Variants in UBA1 observed in about 807,000 individuals in gnomAD.
The protein encoded by UBA1 is ubiquitin like modifier activating enzyme 1.
In UBA1, 4 loss-of-function variants were observed where a neutral mutation model predicts 84.7. The observed-to-expected ratio is 0.05, with a 90% CI of 0.02 to 0.11. The LOEUF (loss-of-function observed/expected upper bound fraction) is 0.11, where lower values mean the gene tolerates loss of function less well. Among genes scored for constraint, UBA1 ranks in the 10% least tolerant of loss-of-function variants. The pLI is 1.00. For synonymous variants in UBA1, 364 were observed against 362.6 expected (o/e 1.00, Z -0.04); for missense variants, 513 against 902.8 (o/e 0.57, Z 5.53).
intron 16 of UBA1, among the ~76,000 whole-genome samples, chrX:47,207,877 C>T (rs1433376373): frequency 8.9e-6 from 1 of 112,014 alleles, no homozygotes; most frequent in Non-Finnish European, 1.9e-5. Flanking sequence ...AACCACTTGG[C>T]ATTTACTGTG....
intron 15 of UBA1, 46 bp downstream of exon 15, chrX:47,206,159 G>A: frequency 8.5e-7 from 1 of 1,181,332 alleles, no homozygotes; most frequent in Non-Finnish European, 1.1e-6. Flanking sequence ...AGTTGTGTGT[G>A]TTTCGGTGTG....
chrX:47,196,253 T>TA (rs1936204226), intron 1 of UBA1, among the ~76,000 whole-genome samples: 1 of 111,187 alleles, frequency 9.0e-6, no homozygotes, highest in Non-Finnish European at 1.9e-5. Context: ...TCCTTGCTCT[T>TA]AGACACCCAC....
chrX:47,190,940 C>T (rs1425310381), upstream of UBA1: 1 of 112,908 alleles, frequency 8.9e-6, no homozygotes, highest in Non-Finnish European at 1.9e-5. Context: ...GGCTTCCGCC[C>T]GGCACAGGGG....
intron 14 of UBA1, among the ~76,000 whole-genome samples, chrX:47,204,716 T>C (rs1556790048): frequency 9.0e-6 from 1 of 111,309 alleles, no homozygotes; most frequent in Admixed American, 9.5e-5. Flanking sequence ...TTTCCAAGGG[T>C]TGTAGTTTCA....
At position 47,208,458 on chromosome X, in the gene UBA1, C is replaced by T. The variant is rs782424892; in HGVS notation, c.1939-1165C>T. 7 of 112,266 alleles carry T rather than the reference C, an allele frequency of 6.2e-5. No homozygotes were observed. The East Asian group carries it at 2.0e-3, about 31-fold the overall frequency. 9.3% of individuals were successfully genotyped at this position (112,266 alleles called of 1,213,427 possible). A position where few individuals can be genotyped will look rare whatever the true frequency, so the allele number is the denominator to read the frequency against. ...GGATTACATGTGTAAGCCTCTGTGT[C>T]CGGCCTCTGTCTTGTTTTCTGCCAA... On this transcript the variant is annotated intron_variant, in intron 16 of 25. Transcript: ENST00000335972.
chrX:47,212,060 A>C (rs1936944173), intron 20 of UBA1, among the ~76,000 whole-genome samples: 2 of 75,253 alleles, frequency 2.7e-5, no homozygotes, highest in Admixed American at 2.0e-4. Flanking sequence ...TATCTTTTTT[A>C]CTCCCCTTTT....
intron 16 of UBA1, among the ~76,000 whole-genome samples, chrX:47,207,415 A>G (rs973928487): frequency 6.2e-5 from 7 of 112,340 alleles, no homozygotes; most frequent in Non-Finnish European, 1.3e-4. Context: ...ATCCGTGCAT[A>G]AATCTCATAA....
chrX:47,205,292 T>C (rs1302722550), intron 14 of UBA1: 3 of 276,997 alleles, frequency 1.1e-5, no homozygotes, highest in African/African-American at 8.3e-5. Context: ...CCTGCTTGTC[T>C]GTGTGCCAGC....
chrX:47,206,845 G>A, intron 16 of UBA1, among the ~76,000 whole-genome samples: 1 of 111,176 alleles, frequency 9.0e-6, no homozygotes, highest in Non-Finnish European at 1.9e-5. Flanking sequence ...GCCAAGTGAG[G>A]ATATGTTGCT....
chrX:47,202,913 A>G, intron 11 of UBA1, 30 bp from the exon 12 acceptor site: 1 of 1,204,103 alleles, frequency 8.3e-7, no homozygotes, highest in Non-Finnish European at 1.1e-6. Flanking sequence ...TTAACCACTG[A>G]CCACCCCCTC....
At chrX:47,213,626 G>A (rs1248149175) in intron 23 of UBA1, among the ~76,000 whole-genome samples, 1 of 112,455 alleles carries the variant, frequency 8.9e-6, no homozygotes, top group Non-Finnish European at 1.9e-5. Flanking sequence ...AGCACTTTGG[G>A]AGGCCGAGGC....
At chrX:47,197,488 T>C in intron 1 of UBA1, 1 of 754,348 alleles carries the variant, frequency 1.3e-6, no homozygotes, top group Non-Finnish European at 1.6e-6. Flanking sequence ...AAAGTCTCAG[T>C]GTGGGAGGAC....
At chrX:47,205,217 G>A (rs1006323822) in intron 14 of UBA1, 28 of 227,203 alleles carry the variant, frequency 1.2e-4, no homozygotes, top group Middle Eastern at 2.9e-3. Context: ...GGTAAGTGGA[G>A]GTGGGATCCA....
upstream of UBA1, among the ~76,000 whole-genome samples, chrX:47,193,642 G>T (rs1556784652): frequency 8.9e-6 from 1 of 112,831 alleles, no homozygotes; most frequent in East Asian, 2.8e-4. Context: ...CGTGGCCTCT[G>T]TTTTACCTGT....
intron 1 of UBA1, chrX:47,198,071 CCT>C: frequency 1.1e-6 from 1 of 898,144 alleles, no homozygotes; most frequent in African/African-American, 2.1e-5. Context: ...CTTTTTGCAA[CCT>C]CTTTTATTGG....
At chrX:47,195,872 C>T (rs781854386) in intron 1 of UBA1, among the ~76,000 whole-genome samples, 1 of 110,829 alleles carries the variant, frequency 9.0e-6, no homozygotes, top group East Asian at 2.9e-4. Context: ...TCAGATACAC[C>T]TCTCCTCTTG....
chrX:47,212,322 T>G, intron 20 of UBA1, 102 bp from the exon 21 acceptor site: 2 of 589,000 alleles, frequency 3.4e-6, no homozygotes, highest in South Asian at 4.9e-5. Context: ...TTCCAAATCC[T>G]TTTTGTACCT....
chrX:47,197,366 T>C (rs1356845704), intron 1 of UBA1: 3 of 754,048 alleles, frequency 4.0e-6, no homozygotes, highest in East Asian at 1.5e-4. Flanking sequence ...TCCTCTTTGA[T>C]TGACACACAG....
Position 47,214,371 on chromosome X carries a change from A to G in UBA1, c.2883A>G (p.Gln961=). 8.3e-7 allele frequency: 1 copy of G among 1,211,248 alleles called. No individual in the cohort carries two copies. The highest frequency in any genetic ancestry group is 1.1e-6 in the Non-Finnish European group (1 of 895,354). The change falls in exon 24 of 26, where the codon CAA becomes CAG. Residue 961 remains glutamine (Q), a synonymous_variant. Coordinates refer to ENST00000335972, the MANE Select transcript of UBA1 (RefSeq NM_003334.4). ...EWTLWDRFEV[Q]GLQPNGEEMT... ...CATTGTGGGATCGCTTTGAGGTACA[A>G]GGGCTGCAGCCTAATGGTGAGGAGA...
Sources: allele counts gnomAD v4.1 joint callset (sites outside exome capture counted in the v4.1 genomes callset), GRCh38; gene constraint gnomAD v4.1.1; transcripts MANE v1.5; gene names NCBI Gene and HGNC (gene_info 2026-07-23, HGNC 2026-07-21).